The following PRPF31 variants were observed in gnomAD, a reference collection of about 807,000 sequenced individuals.
PRPF31 encodes U4/U6 small nuclear ribonucleoprotein Prp31.
PRPF31 carries 12 observed loss-of-function variants against 60.4 expected under a neutral mutation model. The ratio of observed to expected loss-of-function variants is 0.20; its 90% CI spans 0.13 to 0.32. PRPF31 has a LOEUF of 0.32. Among genes scored for constraint, PRPF31 ranks in the 10% least tolerant of loss-of-function variants. The pLI is 1.00. For missense variants in PRPF31, 431 were observed against 687.1 expected, an observed-to-expected ratio of 0.63 and a Z score of 4.17; for synonymous variants, 287 against 287.9, an observed-to-expected ratio of 1.00 and a Z score of 0.03.
chr19:54,118,092 G>A, intron 1 of PRPF31, 179 bp from the exon 2 acceptor site: 2 of 843,052 alleles, frequency 2.4e-6, no homozygotes, highest in South Asian at 1.5e-5. Flanking sequence ...TCTTGCACAG[G>A]TCGGAGCTGG....
chr19:54,122,508 A>C lies in PRPF31; in HGVS notation c.334A>C (p.Lys112Gln). Residue 112 changes from lysine (K) to glutamine (Q), a missense_variant, in exon 5 of 14, where the codon AAG (lysine) becomes CAG (glutamine). Physicochemically the swap from Lys to Gln is moderately conservative, Grantham distance 53 (BLOSUM62 1). Around this residue, in one of 4 missense-constraint regions of PRPF31, gnomAD observed 113 missense variants for 173.8 expected, o/e 0.65. Coordinates refer to ENST00000321030, the MANE Select transcript of PRPF31 (RefSeq NM_015629.4). Reference sequence around the variant, plus strand: ...CCCGTTTACCCTAGACATCATCCATAAGTTCATCCGGGATAAGTACTCAAA... The same window carrying C: ...CCCGTTTACCCTAGACATCATCCATCAGTTCATCCGGGATAAGTACTCAAA... ...EIENELNIIH[K>Q]FIRDKYSKRF... is the part of the protein sequence containing the mutation. 1 of 1,613,336 alleles carries C rather than the reference A, an allele frequency of 6.2e-7. No homozygotes were observed. Among genetic ancestry groups the C allele is most frequent in the Non-Finnish European group, 8.5e-7 (1 of 1,179,326 alleles).
chr19:54,124,036 C>G (rs2073860330), intron 7 of PRPF31, 118 bp downstream of exon 7: 7 of 1,529,648 alleles, frequency 4.6e-6, no homozygotes, highest in East Asian at 2.4e-5. Flanking sequence ...CACCCCGTCT[C>G]CCTGGACATC....
At chr19:54,125,622 G>T (rs587736564) in intron 8 of PRPF31, among the ~76,000 whole-genome samples, 1 of 152,266 alleles carries the variant, frequency 6.6e-6, no homozygotes, top group East Asian at 1.9e-4. Flanking sequence ...CTCCCCCAGG[G>T]ATGGGGAGAA....
Position 54,123,088 on chromosome 19 carries a change from C to T in PRPF31, c.421-366C>T, listed in dbSNP as rs2073833130. On this transcript the variant is annotated intron_variant, in intron 5 of 13. Transcript: ENST00000321030. ...TGAGGGCGGGGAGAGGAGGAGGTCC[C>T]CACGCATGTCCAGGAAAGGATTAGG... The T allele has an allele frequency of 6.3e-6, 3 of 477,722 alleles. No individual in the cohort carries two copies. In the Admixed American group the frequency reaches 1.0e-4, roughly 16 times the overall value. 29.6% of individuals were successfully genotyped at this position (477,722 alleles called of 1,614,324 possible).
intron 13 of PRPF31, among the ~76,000 whole-genome samples, chr19:54,129,737 G>A (rs587740502): frequency 5.4e-5 from 8 of 149,162 alleles, no homozygotes; most frequent in East Asian, 2.0e-4. Context: ...GAAAGTTCCC[G>A]GCTAGGCGGG....
At chr19:54,116,966 C>G (rs1235228751) in intron 1 of PRPF31, among the ~76,000 whole-genome samples, 2 of 152,076 alleles carry the variant, frequency 1.3e-5, no homozygotes, top group Non-Finnish European at 2.9e-5. Flanking sequence ...CGTGCTGGTG[C>G]GTGCCTGTCA....
intron 3 of PRPF31, 115 bp downstream of exon 3, chr19:54,118,748 C>A: frequency 1.1e-6 from 1 of 882,144 alleles, no homozygotes; most frequent in Non-Finnish European, 1.7e-6. Flanking sequence ...CCAGAGCCTT[C>A]TTTTTTTTTT....
At chr19:54,123,373 CCTGAGGAGGTG>C in intron 5 of PRPF31, 70 bp from the exon 6 acceptor site, 2 of 1,046,942 alleles carry the variant, frequency 1.9e-6, no homozygotes, top group Non-Finnish European at 3.0e-6. Context: ...TAAGAAGAGA[CCTGAGGAGGTG>C]CTGAGCAAGA....
At position 54,118,561 on chromosome 19, in the gene PRPF31, C is replaced by G; in HGVS notation, c.178-12C>G. 1.9e-6 allele frequency: 3 copies of G among 1,614,078 alleles called. No individual in the cohort carries two copies. The highest frequency in any genetic ancestry group is 1.7e-6 in the Non-Finnish European group (2 of 1,179,980). ...GAGTGCTGGATTCTGACTGTCTTCT[C>G]CTTTCCTACAGTTTGCTGAGATTAT... On this transcript the variant is annotated splice_polypyrimidine_tract_variant and intron_variant, in intron 2 of 13. Coordinates refer to ENST00000321030, the MANE Select transcript of PRPF31 (RefSeq NM_015629.4).
chr19:54,116,889 G>GT (rs1159935088), intron 1 of PRPF31, among the ~76,000 whole-genome samples: 2 of 152,174 alleles, frequency 1.3e-5, no homozygotes, highest in Non-Finnish European at 2.9e-5. Flanking sequence ...GAGCCCAGGA[G>GT]TTTGAGACCA....
rs778556890 is a variant in PRPF31, at chr19:54,124,575, G to A, written c.774G>A (p.Thr258=). 13 of 1,613,070 alleles carry A rather than the reference G, an allele frequency of 8.1e-6. No homozygotes were observed. The highest frequency in any genetic ancestry group is 3.4e-6 in the Non-Finnish European group (4 of 1,179,928). ...TGCTGCTCGGGGCCCAGCGCAAGACGCTGTCGGGCTTCTCGTCTACCTCAG... is the reference window on the plus strand; with the variant it reads ...TGCTGCTCGGGGCCCAGCGCAAGACACTGTCGGGCTTCTCGTCTACCTCAG... ...NIMLLGAQRK[T]LSGFSSTSVL... is the part of the protein sequence containing the mutation. Residue 258 remains threonine, a synonymous_variant, in exon 8 of 14, where the codon ACG becomes ACA. Transcript: ENST00000321030.
chr19:54,124,787 T>A, intron 8 of PRPF31, 131 bp downstream of exon 8: 2 of 1,129,232 alleles, frequency 1.8e-6, no homozygotes, highest in South Asian at 2.6e-5. Context: ...CAGGGTGGCA[T>A]GGGACGTGAG....
At chr19:54,127,957 C>A in intron 9 of PRPF31, 116 bp from the exon 10 acceptor site, 1 of 1,394,962 alleles carries the variant, frequency 7.2e-7, no homozygotes, top group Non-Finnish European at 9.9e-7. Flanking sequence ...GGCGGTGAGG[C>A]AGCATTAGGT....
At chr19:54,117,427 C>G (rs1401999232) in intron 1 of PRPF31, among the ~76,000 whole-genome samples, 1 of 152,188 alleles carries the variant, frequency 6.6e-6, no homozygotes, top group Non-Finnish European at 1.5e-5. Context: ...CGAAGGCTGT[C>G]TTGAGTCACG....
chr19:54,126,797 G>T (rs587664314), intron 9 of PRPF31, among the ~76,000 whole-genome samples, 180 bp downstream of exon 9: 54 of 152,304 alleles, frequency 3.5e-4, no homozygotes, highest in African/African-American at 1.3e-3. Flanking sequence ...GGTTTCCTAG[G>T]TCTGCTGTTG....
intron 8 of PRPF31, 93 bp from the exon 9 acceptor site, chr19:54,126,435 G>T (rs1002644433): frequency 8.2e-7 from 1 of 1,221,100 alleles, no homozygotes; most frequent in Admixed American, 2.0e-5. Flanking sequence ...AGGACCCCAG[G>T]TAGAGCCAGA....
At chr19:54,117,931 T>C (rs2073690195) in intron 1 of PRPF31, among the ~76,000 whole-genome samples, 1 of 152,056 alleles carries the variant, frequency 6.6e-6, no homozygotes, top group Non-Finnish European at 1.5e-5. Flanking sequence ...AGACAGTATC[T>C]AGTGGGAAAG....
In PRPF31 at chr19:54,121,936, C is replaced by G. The variant is rs764545115; in HGVS notation, c.315C>G (p.Asn105Lys). The change falls in exon 4 of 14, where the codon AAC becomes AAG. Residue 105 changes from asparagine (N) to lysine (K), a missense_variant. Transcript: ENST00000321030. ...ACAACCTGACCGTGGAGATCGAAAA[C>G]GAGCTGAGTGAGTGCTGGGGGGCAG... ...DANNLTVEIENELNIIHKFIR... is the reference protein window; with the variant it reads ...DANNLTVEIEKELNIIHKFIR... 1.2e-6 allele frequency: 2 copies of G among 1,611,696 alleles called. No homozygotes were observed. Among genetic ancestry groups the G allele is most frequent in the Non-Finnish European group, 1.7e-6 (2 of 1,179,114 alleles).
chr19:54,121,812 G>T (rs374780176), intron 3 of PRPF31, 48 bp from the exon 4 acceptor site: 26 of 1,548,928 alleles, frequency 1.7e-5, no homozygotes, highest in Non-Finnish European at 2.1e-5. Context: ...GGACCCGAGA[G>T]GGGGTAGGGA....
Sources: gnomAD v4.1 joint callset for allele counts (sites outside exome capture counted in the v4.1 genomes callset) on GRCh38, gnomAD v4.1.1 for gene constraint, gnomAD v4.1.1 regional missense constraint, MANE v1.5 for transcripts, NCBI Gene and HGNC (gene_info 2026-07-23, HGNC 2026-07-21) for gene names.